FBXL17: variants seen among roughly 807,000 people sequenced by gnomAD.
The protein encoded by FBXL17 is F-box and leucine rich repeat protein 17.
Under a neutral mutation model 66.2 loss-of-function variants are expected in FBXL17, and 22 were observed. That is an observed-to-expected ratio of 0.33 (90% CI 0.24 to 0.47). FBXL17 has a LOEUF of 0.47. Ranked by LOEUF, FBXL17 falls within the 20% of genes least tolerant of loss-of-function variation. FBXL17 has a pLI of 1.00. For missense variants in FBXL17, 878 were observed against 948.2 expected (o/e 0.93, Z 0.97); for synonymous variants, 474 against 400.5 (o/e 1.18, Z -2.19).
chr5:108,366,608 T>C (rs1748681088), intron 2 of FBXL17, among the ~76,000 whole-genome samples: 1 of 152,030 alleles, frequency 6.6e-6, no homozygotes, highest in Non-Finnish European at 1.5e-5. Context: ...ATTATTAGCC[T>C]GAGTTCATAA....
intron 7 of FBXL17, among the ~76,000 whole-genome samples, chr5:107,978,853 A>C (rs1204943083): frequency 6.6e-6 from 1 of 152,190 alleles, no homozygotes; most frequent in Non-Finnish European, 1.5e-5. Flanking sequence ...TCTTTACTGC[A>C]ATACCATGGT....
chr5:108,044,223 G>A (rs1429515275), intron 6 of FBXL17, among the ~76,000 whole-genome samples: 2 of 151,306 alleles, frequency 1.3e-5, no homozygotes, highest in African/African-American at 4.9e-5. Context: ...ACTATATTAA[G>A]AGTGGTGAGA....
chr5:108,004,076 GA>G (rs1338190642), intron 7 of FBXL17, among the ~76,000 whole-genome samples: 1 of 152,026 alleles, frequency 6.6e-6, no homozygotes, highest in Admixed American at 6.6e-5. Flanking sequence ...TGCAAGCAAA[GA>G]AAAAAGACAA....
At chr5:108,071,354 C>T (rs1316694951) in intron 6 of FBXL17, among the ~76,000 whole-genome samples, 2 of 152,148 alleles carry the variant, frequency 1.3e-5, no homozygotes, top group Non-Finnish European at 2.9e-5. Context: ...GCCTCAAGAA[C>T]AGTTGAAAAA....
At chr5:108,320,727 C>T (rs1283527894) in intron 4 of FBXL17, among the ~76,000 whole-genome samples, 1 of 151,708 alleles carries the variant, frequency 6.6e-6, no homozygotes, top group Non-Finnish European at 1.5e-5. Context: ...AACAAAAACC[C>T]TCATTTTTAC....
intron 6 of FBXL17, among the ~76,000 whole-genome samples, chr5:108,162,223 G>T (rs1023598760): frequency 1.3e-5 from 2 of 152,172 alleles, no homozygotes; most frequent in East Asian, 3.8e-4. Flanking sequence ...CTGGGGCTGG[G>T]TGCAGTGGCT....
chr5:107,871,069 A>AC lies in FBXL17; in HGVS notation c.1966-9210_1966-9209insG, dbSNP rs1554080841. On this transcript the variant is annotated intron_variant, in intron 8 of 8. Coordinates refer to ENST00000542267, the MANE Select transcript of FBXL17 (RefSeq NM_001163315.3). The stretch of plus-strand genomic sequence containing the variant: ...TACTCTTGGGCGGCAAAAAAAAAAA[A>AC]AAAAAAAAAACCTCATCTAAAAATC... Among the ~76,000 whole-genome samples the AC allele has an allele frequency of 3.4e-4, 44 of 130,236 alleles. 1 individual carries two copies. In the South Asian group the frequency reaches 8.6e-3, roughly 25 times the overall value. 85.4% of individuals were successfully genotyped at this position (130,236 alleles called of 152,430 possible). A position where few individuals can be genotyped will look rare whatever the true frequency, so the allele number is the denominator to read the frequency against.
At chr5:108,361,462 C>G (rs1748332414) in intron 3 of FBXL17, among the ~76,000 whole-genome samples, 1 of 152,060 alleles carries the variant, frequency 6.6e-6, no homozygotes, top group African/African-American at 2.4e-5. Context: ...TGTACTGGAC[C>G]TAGCAAGCAC....
At chr5:107,903,939 T>C (rs1327448308) in intron 7 of FBXL17, among the ~76,000 whole-genome samples, 8 of 152,212 alleles carry the variant, frequency 5.3e-5, no homozygotes, top group Non-Finnish European at 8.8e-5. Context: ...GAGAGAAGTA[T>C]TGATTATACG....
intron 7 of FBXL17, among the ~76,000 whole-genome samples, chr5:107,892,087 T>C (rs1032756908): frequency 1.3e-5 from 2 of 152,144 alleles, no homozygotes; most frequent in Non-Finnish European, 2.9e-5. Flanking sequence ...AATAAAGTTA[T>C]TGAATATCTC....
intron 7 of FBXL17, among the ~76,000 whole-genome samples, chr5:107,900,715 T>C (rs902688447): frequency 6.6e-6 from 1 of 152,132 alleles, no homozygotes; most frequent in Admixed American, 6.6e-5. Flanking sequence ...TAAAATTCCA[T>C]TCCCAAAAGC....
chr5:107,967,906 G>A (rs149337747), intron 7 of FBXL17, among the ~76,000 whole-genome samples: 106 of 152,140 alleles, frequency 7.0e-4, no homozygotes, highest in Non-Finnish European at 1.2e-3. Flanking sequence ...TTTATCTAAT[G>A]TTAGTTATTA....
intron 7 of FBXL17, among the ~76,000 whole-genome samples, chr5:108,003,414 C>A (rs1425146878): frequency 6.6e-6 from 1 of 151,912 alleles, no homozygotes; most frequent in Non-Finnish European, 1.5e-5. Context: ...ACAGTGGGTT[C>A]CCATAGATAA....
chr5:107,940,613 T>C (rs1273958294), intron 7 of FBXL17, among the ~76,000 whole-genome samples: 1 of 151,904 alleles, frequency 6.6e-6, no homozygotes, highest in African/African-American at 2.4e-5. Context: ...GAAAATGAAG[T>C]AGTTGGAGGG....
chr5:107,891,772 T>C (rs1432157390), intron 7 of FBXL17, among the ~76,000 whole-genome samples: 1 of 152,192 alleles, frequency 6.6e-6, no homozygotes, highest in Non-Finnish European at 1.5e-5. Context: ...ACTGATTTCT[T>C]CTACTGCATA....
chr5:108,356,349 A>C (rs1747986100), intron 3 of FBXL17, among the ~76,000 whole-genome samples: 2 of 152,170 alleles, frequency 1.3e-5, no homozygotes, highest in East Asian at 3.8e-4. Context: ...AAAAAGCTGA[A>C]AAAATTATGC....
At chr5:108,009,505 C>G (rs1754097268) in intron 7 of FBXL17, among the ~76,000 whole-genome samples, 1 of 151,242 alleles carries the variant, frequency 6.6e-6, no homozygotes, top group Non-Finnish European at 1.5e-5. Flanking sequence ...ACACAGAGCA[C>G]AGAGGCACGG....
intron 4 of FBXL17, chr5:108,299,448 A>G: frequency 2.1e-6 from 2 of 940,218 alleles, no homozygotes; most frequent in Non-Finnish European, 2.5e-6. Flanking sequence ...ACACTAGTTT[A>G]TAGATATAGA....
chr5:108,166,041 C>T (rs1278245420), intron 6 of FBXL17, among the ~76,000 whole-genome samples: 1 of 152,146 alleles, frequency 6.6e-6, no homozygotes, highest in Non-Finnish European at 1.5e-5. Context: ...CATTTTCAAG[C>T]AGTTCACAGT....
Sources: allele counts gnomAD v4.1 joint callset (sites outside exome capture counted in the v4.1 genomes callset), GRCh38; gene constraint gnomAD v4.1.1; transcripts MANE v1.5; gene names NCBI Gene and HGNC (gene_info 2026-07-23, HGNC 2026-07-21).